INPP4B: variants seen among roughly 807,000 people sequenced by gnomAD.
INPP4B encodes the protein inositol polyphosphate-4-phosphatase type II B.
A neutral mutation model predicts 122.5 loss-of-function variants in INPP4B; 55 were observed. The observed-to-expected ratio is 0.45, with a 90% CI of 0.36 to 0.56. INPP4B has a LOEUF of 0.56. Among genes scored for constraint, INPP4B ranks in the 20% least tolerant of loss-of-function variants. The pLI is 0.00. For missense variants in INPP4B, 1,000 were observed against 1,097.7 expected (o/e 0.91, Z 1.26); for synonymous variants, 403 against 388.7 (o/e 1.04, Z -0.43).
intron 1 of INPP4B, among the ~76,000 whole-genome samples, chr4:142,771,282 C>T (rs980884480): frequency 6.6e-6 from 1 of 151,944 alleles, no homozygotes; most frequent in Admixed American, 6.6e-5. Flanking sequence ...ATTAAGTGGG[C>T]CATTGGATAA....
rs1233270131 is a variant in INPP4B at position 142,024,821 on chromosome 4, T to G, written c.*3961A>C. On this transcript the variant is annotated 3_prime_UTR_variant, in exon 26 of 26. Coordinates refer to ENST00000262992, the MANE Select transcript of INPP4B (RefSeq NM_001101669.3). ...TGATTGGGCTAACAGTTCCCTGAATTTAGCCCTGAGTTATTGCTTAGACTA... is the reference window on the plus strand; with the variant it reads ...TGATTGGGCTAACAGTTCCCTGAATGTAGCCCTGAGTTATTGCTTAGACTA... The G allele has an allele frequency of 6.6e-6, 1 of 152,134 alleles. No homozygotes were observed. Among genetic ancestry groups the G allele is most frequent in the Non-Finnish European group, 1.5e-5 (1 of 68,016 alleles). 9.4% of individuals were successfully genotyped at this position (152,134 alleles called of 1,614,324 possible). A position where few individuals can be genotyped will look rare whatever the true frequency, so the allele number is the denominator to read the frequency against.
chr4:142,078,693 A>G (rs982755824), intron 25 of INPP4B, among the ~76,000 whole-genome samples: 6 of 152,010 alleles, frequency 3.9e-5, no homozygotes, highest in African/African-American at 1.2e-4. Flanking sequence ...AGATAAGCAC[A>G]ATACAATAGA....
intron 7 of INPP4B, among the ~76,000 whole-genome samples, chr4:142,344,672 A>G (rs1035999878): frequency 3.3e-5 from 5 of 152,058 alleles, no homozygotes; most frequent in Admixed American, 1.3e-4. Flanking sequence ...ATATGGAAGA[A>G]CACATGGGCA....
chr4:142,242,412 A>AT (rs546610949), intron 11 of INPP4B, among the ~76,000 whole-genome samples: 3 of 152,212 alleles, frequency 2.0e-5, no homozygotes, highest in Non-Finnish European at 4.4e-5. Context: ...CAAACGTATT[A>AT]TTTGTCTGCA....
At chr4:142,221,681 G>T (rs1301419436) in intron 12 of INPP4B, among the ~76,000 whole-genome samples, 1 of 151,770 alleles carries the variant, frequency 6.6e-6, no homozygotes, top group Non-Finnish European at 1.5e-5. Context: ...GATCAGTCTT[G>T]ACCAGTAGAA....
intron 9 of INPP4B, among the ~76,000 whole-genome samples, chr4:142,280,829 A>G (rs1750861178): frequency 6.6e-6 from 1 of 152,034 alleles, no homozygotes; most frequent in Non-Finnish European, 1.5e-5. Flanking sequence ...AATTTCTGAC[A>G]TTTACTTGGA....
intron 18 of INPP4B, among the ~76,000 whole-genome samples, chr4:142,140,906 T>C (rs1561264716): frequency 6.6e-6 from 1 of 152,176 alleles, no homozygotes; most frequent in Non-Finnish European, 1.5e-5. Context: ...TACCTAAAAG[T>C]AGGGAGGTGG....
intron 2 of INPP4B, among the ~76,000 whole-genome samples, chr4:142,498,298 C>T (rs1822912390): frequency 6.6e-6 from 1 of 151,664 alleles, no homozygotes; most frequent in South Asian, 2.1e-4. Flanking sequence ...ACCCAAGCAA[C>T]ACATGATCAC....
At position 142,078,727 on chromosome 4, in the gene INPP4B, A is replaced by G. The variant is rs530045309; in HGVS notation, c.2642+3304T>C. ...GAAAATACTTAATATAGATAAGGAC[A>G]AAATAAAACTAAATAAAGAGTGATA... On this transcript the variant is annotated intron_variant, in intron 25 of 25. Coordinates refer to ENST00000262992, the MANE Select transcript of INPP4B (RefSeq NM_001101669.3). Among the ~76,000 whole-genome samples, 344 of 152,188 alleles carry G rather than the reference A, an allele frequency of 2.3e-3. No homozygotes were observed. The Middle Eastern group carries it at 0.037, about 17-fold the overall frequency.
chr4:142,261,667 C>T (rs1740082961), intron 10 of INPP4B, among the ~76,000 whole-genome samples: 3 of 152,140 alleles, frequency 2.0e-5, no homozygotes, highest in Non-Finnish European at 4.4e-5. Flanking sequence ...CTCCACCTCT[C>T]CTTCCCCAGG....
intron 2 of INPP4B, among the ~76,000 whole-genome samples, chr4:142,535,768 T>C (rs1298410261): frequency 6.6e-6 from 1 of 150,550 alleles, no homozygotes; most frequent in Non-Finnish European, 1.5e-5. Flanking sequence ...TCTTTTTTTT[T>C]CCACTCCATA....
chr4:142,630,649 A>C (rs950136418), intron 2 of INPP4B, among the ~76,000 whole-genome samples: 2 of 152,070 alleles, frequency 1.3e-5, no homozygotes, highest in Admixed American at 6.6e-5. Flanking sequence ...CCAGGTCAGG[A>C]GACTTAGGAG....
intron 2 of INPP4B, among the ~76,000 whole-genome samples, chr4:142,576,178 G>A (rs1733790440): frequency 6.6e-6 from 1 of 151,664 alleles, no homozygotes; most frequent in Non-Finnish European, 1.5e-5. Context: ...ATGATGCTGG[G>A]ATATGGCAGT....
chr4:142,113,788 T>C (rs1791482025), intron 21 of INPP4B, among the ~76,000 whole-genome samples: 1 of 152,024 alleles, frequency 6.6e-6, no homozygotes, highest in Admixed American at 6.6e-5. Flanking sequence ...ACATATAATT[T>C]CTTTGTGATA....
intron 9 of INPP4B, among the ~76,000 whole-genome samples, chr4:142,288,704 T>C (rs1037974216): frequency 1.4e-4 from 21 of 150,540 alleles, no homozygotes; most frequent in Non-Finnish European, 3.1e-4. Flanking sequence ...TCATCCTTTC[T>C]ATTTTTTTTC....
At chr4:142,452,131 C>T (rs1476773988) in intron 3 of INPP4B, among the ~76,000 whole-genome samples, 3 of 152,170 alleles carry the variant, frequency 2.0e-5, no homozygotes, top group Non-Finnish European at 4.4e-5. Context: ...TCAGTTCCCA[C>T]GAATGAGTGA....
intron 2 of INPP4B, among the ~76,000 whole-genome samples, chr4:142,464,170 A>G (rs530017060): frequency 6.6e-6 from 1 of 152,262 alleles, no homozygotes; most frequent in South Asian, 2.1e-4. Flanking sequence ...TATTTATAAA[A>G]CAATTTACTA....
At chr4:142,435,958 A>G (rs923444) in intron 3 of INPP4B, among the ~76,000 whole-genome samples, 144,330 of 152,050 alleles carry the variant, frequency 0.95, 68,938 homozygotes, top group Middle Eastern at 1. Context: ...AGCTCCTTGG[A>G]GGAGGGGCAG....
chr4:142,650,553 A>T (rs1752718810), intron 2 of INPP4B, among the ~76,000 whole-genome samples: 1 of 152,114 alleles, frequency 6.6e-6, no homozygotes. Context: ...AAAAAAAAAA[A>T]AGGCAGGGGT....
Sources: gnomAD v4.1 joint callset for allele counts (sites outside exome capture counted in the v4.1 genomes callset) on GRCh38, gnomAD v4.1.1 for gene constraint, MANE v1.5 for transcripts, NCBI Gene and HGNC (gene_info 2026-07-23, HGNC 2026-07-21) for gene names.